The following CSMD3 variants were observed in gnomAD, a reference collection of about 807,000 sequenced individuals.
The protein encoded by CSMD3 is CUB and Sushi multiple domains 3, also known as CUB and sushi domain-containing protein 3.
A neutral mutation model predicts 435.2 loss-of-function variants in CSMD3; 177 were observed. That is an observed-to-expected ratio of 0.41 (90% CI 0.36 to 0.46). The LOEUF (loss-of-function observed/expected upper bound fraction) is 0.46, where lower values mean the gene tolerates loss of function less well. Ranked by LOEUF, CSMD3 falls within the 20% of genes least tolerant of loss-of-function variation. CSMD3 has a pLI of 0.34. For missense variants in CSMD3, 4,265 were observed against 4,504.6 expected (o/e 0.95, Z 1.52); for synonymous variants, 1,656 against 1,520.5 (o/e 1.09, Z -2.07).
chr8:113,008,942 T>C (rs1031241442), intron 6 of CSMD3, among the ~76,000 whole-genome samples: 1 of 151,518 alleles, frequency 6.6e-6, no homozygotes, highest in South Asian at 2.1e-4. Flanking sequence ...CCCTATAATT[T>C]CAAGACTTAA....
intron 22 of CSMD3, among the ~76,000 whole-genome samples, chr8:112,588,948 A>G (rs974160691): frequency 1.3e-5 from 2 of 152,162 alleles, no homozygotes; most frequent in African/African-American, 4.8e-5. Flanking sequence ...GCATGAAGAC[A>G]AATGTAATCT....
At chr8:112,630,942 TCA>T (rs5894090) in intron 22 of CSMD3, among the ~76,000 whole-genome samples, 42,515 of 140,024 alleles carry the variant, frequency 0.3, 6,629 homozygotes, top group Middle Eastern at 0.46. Flanking sequence ...ACATCAGTAT[TCA>T]CACACACACA....
intron 5 of CSMD3, among the ~76,000 whole-genome samples, chr8:113,071,232 C>A (rs971073511): frequency 6.6e-6 from 1 of 151,880 alleles, no homozygotes; most frequent in Non-Finnish European, 1.5e-5. Flanking sequence ...TGGATAGTAA[C>A]CCTTTGCCAG....
intron 2 of CSMD3, among the ~76,000 whole-genome samples, chr8:113,305,061 A>G (rs2093808138): frequency 6.6e-6 from 1 of 150,476 alleles, no homozygotes; most frequent in South Asian, 2.1e-4. Context: ...ACAAAAAACC[A>G]GACACCGCAT....
chr8:112,328,536 G>T (rs1476664125), intron 45 of CSMD3, among the ~76,000 whole-genome samples: 2 of 152,062 alleles, frequency 1.3e-5, no homozygotes, highest in Non-Finnish European at 2.9e-5. Context: ...TGCTTATTTG[G>T]ATTTAGAGAT....
chr8:112,281,243 G>A lies in CSMD3; in HGVS notation c.9439C>T (p.Leu3147Phe), dbSNP rs2130578675. 2 of 1,613,234 alleles carry A rather than the reference G, an allele frequency of 1.2e-6. No homozygotes were observed. The highest frequency in any genetic ancestry group is 1.7e-6 in the Non-Finnish European group (2 of 1,179,334). Reference sequence around the variant, plus strand: ...CACTGTCTAACTGAAGGTCCAGAAAGGATGTATCCCTCCATGCAGGAATAA... The same window carrying A: ...CACTGTCTAACTGAAGGTCCAGAAAAGATGTATCCCTCCATGCAGGAATAA... ...VIYSCMEGYI[L>F]SGPSVRQCTA... The change falls in exon 59 of 71, where the codon CTT (leucine) becomes TTT (phenylalanine). Residue 3147 changes from leucine (L) to phenylalanine (F), a missense_variant. Leu to Phe is a conservative substitution (Grantham distance 22, BLOSUM62 0). Around this residue, in one of 3 missense-constraint regions of CSMD3, gnomAD observed 3,255 missense variants for 3,380.2 expected, o/e 0.96. Transcript: ENST00000297405.
chr8:113,097,857 AC>A (rs1413630322), intron 5 of CSMD3, among the ~76,000 whole-genome samples: 1 of 151,442 alleles, frequency 6.6e-6, no homozygotes, highest in Non-Finnish European at 1.5e-5. Flanking sequence ...CTTCTTTATC[AC>A]CCCCCAGTCC....
chr8:113,193,565 C>T (rs548712075), intron 3 of CSMD3, among the ~76,000 whole-genome samples: 101 of 151,510 alleles, frequency 6.7e-4, no homozygotes, highest in African/African-American at 2.3e-3. Flanking sequence ...TTAATTATCT[C>T]CCATTATCTA....
At chr8:112,255,178 G>A (rs1815661000) in intron 62 of CSMD3, 76 bp downstream of exon 62, 3 of 1,249,568 alleles carry the variant, frequency 2.4e-6, no homozygotes, top group Admixed American at 3.5e-5. Flanking sequence ...TAGGTTATAG[G>A]ATAAAGAAAA....
At chr8:112,361,223 C>G (rs2131116081) in intron 38 of CSMD3, among the ~76,000 whole-genome samples, 1 of 151,736 alleles carries the variant, frequency 6.6e-6, no homozygotes, top group Middle Eastern at 3.4e-3. Context: ...ACCAAAGCTG[C>G]TCTCTGATTA....
rs1017402114 is a variant in CSMD3 at position 112,386,642 on chromosome 8, C to T, written c.5935-2979G>A. ...CCTCCCGAGTAGCTGGGACTACAGG[C>T]GCCCGCCACCACGCCCGGCTAATTT... On this transcript the variant is annotated intron_variant, in intron 36 of 70. Transcript: ENST00000297405. Among the ~76,000 whole-genome samples the T allele has an allele frequency of 4.6e-5, 7 of 152,124 alleles. No individual in the cohort carries two copies. The South Asian group carries it at 6.2e-4, about 14-fold the overall frequency.
chr8:112,482,691 C>A (rs1013296173), intron 31 of CSMD3, among the ~76,000 whole-genome samples: 2 of 151,870 alleles, frequency 1.3e-5, no homozygotes, highest in Non-Finnish European at 2.9e-5. Flanking sequence ...TGATGAAAAC[C>A]TTTTACTATT....
chr8:113,093,464 A>C (rs2090068754), intron 5 of CSMD3, among the ~76,000 whole-genome samples: 1 of 152,168 alleles, frequency 6.6e-6, no homozygotes. Flanking sequence ...ACAAAGTCAA[A>C]TGTTGCAGAT....
chr8:113,066,129 G>GAAA (rs532343282), intron 5 of CSMD3, among the ~76,000 whole-genome samples: 1 of 49,182 alleles, frequency 2.0e-5, no homozygotes, highest in African/African-American at 7.9e-5. Context: ...CCAAGAAAAA[G>GAAA]AAAAAAAAAA....
intron 5 of CSMD3, among the ~76,000 whole-genome samples, chr8:113,041,216 A>AGGGGGG (rs1342276332): frequency 4.2e-5 from 1 of 23,786 alleles, no homozygotes; most frequent in African/African-American, 1.5e-4. Flanking sequence ...AAAAAAAAAA[A>AGGGGGG]AGGGGGGGGT....
In CSMD3 at chr8:112,241,769, C is replaced by A. The variant is rs1255335065; in HGVS notation, c.10419G>T (p.Leu3473Phe). ...VPICEAGSKI[L>F]VKDPRPALGT... ...CCAGTGCAGGTCTAGGATCTTTCAC[C>A]AATATTTTAGAACCAGCTATGAAAA... The change falls in exon 66 of 71, where the codon TTG becomes TTT. Residue 3473 changes from leucine to phenylalanine, a missense_variant. Physicochemically the swap from Leu to Phe is conservative, Grantham distance 22. Coordinates refer to ENST00000297405, the MANE Select transcript of CSMD3 (RefSeq NM_198123.2). The A allele has an allele frequency of 1.2e-6, 2 of 1,611,224 alleles. No individual in the cohort carries two copies. Among genetic ancestry groups the A allele is most frequent in the East Asian group, 4.5e-5 (2 of 44,804 alleles).
chr8:112,572,853 T>C (rs1333154746), intron 24 of CSMD3, among the ~76,000 whole-genome samples: 1 of 152,108 alleles, frequency 6.6e-6, no homozygotes, highest in African/African-American at 2.4e-5. Context: ...GTGTAACTAG[T>C]CTGTTTCTTA....
At chr8:112,767,096 T>TA (rs1213565522) in intron 13 of CSMD3, among the ~76,000 whole-genome samples, 1 of 151,666 alleles carries the variant, frequency 6.6e-6, no homozygotes, top group Non-Finnish European at 1.5e-5. Flanking sequence ...ATTCCTGAAG[T>TA]AAAAATGAAG....
chr8:113,266,445 A>T (rs936441436), intron 3 of CSMD3, among the ~76,000 whole-genome samples: 1 of 151,358 alleles, frequency 6.6e-6, no homozygotes, highest in African/African-American at 2.4e-5. Context: ...ATCCATTTAA[A>T]TCTAAGTGGA....
Sources: gnomAD v4.1 joint callset for allele counts (sites outside exome capture counted in the v4.1 genomes callset) on GRCh38, gnomAD v4.1.1 for gene constraint, gnomAD v4.1.1 regional missense constraint, MANE v1.5 for transcripts, NCBI Gene and HGNC (gene_info 2026-07-23, HGNC 2026-07-21) for gene names.